Variants in PDE10A observed in about 807,000 individuals in gnomAD.
The protein encoded by PDE10A is phosphodiesterase 10A, also known as cAMP and cAMP-inhibited cGMP 3',5'-cyclic phosphodiesterase 10A.
A neutral mutation model predicts 97.7 loss-of-function variants in PDE10A; 39 were observed. The ratio of observed to expected loss-of-function variants is 0.40; its 90% CI spans 0.31 to 0.52. PDE10A has a LOEUF of 0.52. Ranked by LOEUF, PDE10A falls within the 20% of genes least tolerant of loss-of-function variation. PDE10A has a pLI of 0.56. For missense variants in PDE10A, 731 were observed against 1,047.8 expected, an observed-to-expected ratio of 0.70 and a Z score of 4.17; for synonymous variants, 371 against 376.8, an observed-to-expected ratio of 0.98 and a Z score of 0.18.
chr6:165,963,633 A>T (rs767887322), intron 1 of PDE10A, among the ~76,000 whole-genome samples: 2 of 152,206 alleles, frequency 1.3e-5, no homozygotes, highest in Non-Finnish European at 2.9e-5. Context: ...TAATAAAGAA[A>T]AGGGCCCAGA....
intron 1 of PDE10A, among the ~76,000 whole-genome samples, chr6:165,795,573 A>G (rs1372621108): frequency 1.3e-5 from 2 of 151,582 alleles, no homozygotes; most frequent in African/African-American, 4.9e-5. Context: ...TAAAAATACA[A>G]AAACAAACAA....
Position 165,430,321 on chromosome 6 carries a change from T to C in PDE10A, c.1567A>G (p.Thr523Ala), listed in dbSNP as rs1166621287. 6.2e-7 allele frequency: 1 copy of C among 1,609,020 alleles called. No individual in the cohort carries two copies. The highest frequency in any genetic ancestry group is 2.2e-5 in the East Asian group (1 of 44,770). Residue 523 changes from threonine to alanine, a missense_variant, in exon 9 of 22, where the codon ACA (threonine) becomes GCA (alanine). Physicochemically the swap from Thr to Ala is moderately conservative, Grantham distance 58. Transcript: ENST00000539869. ...VQVCRGLAKQ[T>A]ELNDFLLDVS... is the part of the protein sequence containing the mutation. ...TCGAGTAGGAAGTCATTCAATTCTG[T>C]CTGTTTGGCAAGGCCTCTGCATACC...
chr6:165,607,750 A>C lies in PDE10A; in HGVS notation c.865+54197T>G, dbSNP rs560053429. ...TGGATAACATTTTGGAGATTCATTCAGTTTATAAGGATGAAATGCAGCACG... is the reference window on the plus strand; with the variant it reads ...TGGATAACATTTTGGAGATTCATTCCGTTTATAAGGATGAAATGCAGCACG... On this transcript the variant is annotated intron_variant, in intron 1 of 21. Coordinates refer to ENST00000539869, the MANE Select transcript of PDE10A (RefSeq NM_001385079.1). Among the ~76,000 whole-genome samples the C allele has an allele frequency of 3.3e-5, 5 of 152,302 alleles. No homozygotes were observed. The South Asian group carries it at 1.0e-3, about 32-fold the overall frequency.
intron 2 of PDE10A, among the ~76,000 whole-genome samples, chr6:165,533,779 A>G (rs539298485): frequency 6.6e-6 from 1 of 152,282 alleles, no homozygotes; most frequent in South Asian, 2.1e-4. Flanking sequence ...TTTGCCACTT[A>G]TATTTCATAG....
At chr6:165,729,413 G>C (rs188209515) in intron 1 of PDE10A, among the ~76,000 whole-genome samples, 7 of 151,988 alleles carry the variant, frequency 4.6e-5, no homozygotes, top group Admixed American at 1.3e-4. Flanking sequence ...TAGACATGGA[G>C]AGTTGGAAAT....
At chr6:165,346,193 G>T (rs546740307) in intron 18 of PDE10A, among the ~76,000 whole-genome samples, 23 of 152,240 alleles carry the variant, frequency 1.5e-4, no homozygotes, top group African/African-American at 4.6e-4. Flanking sequence ...GGGTGGAGAT[G>T]ACTCATAGAC....
rs763771899 is a variant in PDE10A at position 165,497,922 on chromosome 6, CAAT to C, written c.995-15582_995-15580del. ...TATTCACTGTCTTAACTTGGATATTCAATAATACCTGAAAATTCATAGTTTAAA... is the reference window on the plus strand; with the variant it reads ...TATTCACTGTCTTAACTTGGATATTCAATACCTGAAAATTCATAGTTTAAA... On this transcript the variant is annotated intron_variant, in intron 2 of 21. Coordinates refer to ENST00000539869, the MANE Select transcript of PDE10A (RefSeq NM_001385079.1). Among the ~76,000 whole-genome samples the C allele has an allele frequency of 6.6e-5, 10 of 152,102 alleles. No homozygotes were observed. In the East Asian group the frequency reaches 7.7e-4, roughly 12 times the overall value.
chr6:165,531,471 G>A (rs1253424350), intron 2 of PDE10A, among the ~76,000 whole-genome samples: 2 of 151,892 alleles, frequency 1.3e-5, no homozygotes, highest in East Asian at 1.9e-4. Flanking sequence ...TTATTGAGGG[G>A]AAAAAAGGAA....
chr6:165,385,794 T>C (rs927830610), intron 17 of PDE10A, among the ~76,000 whole-genome samples: 2 of 152,184 alleles, frequency 1.3e-5, no homozygotes, highest in African/African-American at 4.8e-5. Flanking sequence ...ATGGCCCCAA[T>C]ATTATTTCTC....
Position 165,330,487 on chromosome 6 carries a change from T to G in PDE10A, c.*2538A>C, listed in dbSNP as rs1251666010. 2 of 152,212 alleles carry G rather than the reference T, an allele frequency of 1.3e-5. No homozygotes were observed. Among genetic ancestry groups the G allele is most frequent in the Non-Finnish European group, 2.9e-5 (2 of 68,022 alleles). 9.4% of individuals were successfully genotyped at this position (152,212 alleles called of 1,614,324 possible). A position where few individuals can be genotyped will look rare whatever the true frequency, so the allele number is the denominator to read the frequency against. ...TTATTTTAGGTAAATCTGTGATTAC[T>G]AAGTAAATCTTACACATGGTAAAAG... is the stretch of plus-strand genomic sequence containing the variant. On this transcript the variant is annotated 3_prime_UTR_variant, in exon 22 of 22. Coordinates refer to ENST00000539869, the MANE Select transcript of PDE10A (RefSeq NM_001385079.1).
At chr6:165,646,085 C>T (rs1789382511) in intron 1 of PDE10A, among the ~76,000 whole-genome samples, 1 of 152,264 alleles carries the variant, frequency 6.6e-6, no homozygotes, top group African/African-American at 2.4e-5. Flanking sequence ...GCCAGCCTGG[C>T]ACAGACCAGG....
intron 1 of PDE10A, among the ~76,000 whole-genome samples, chr6:165,635,318 C>A (rs1788821923): frequency 6.6e-6 from 1 of 152,186 alleles, no homozygotes; most frequent in African/African-American, 2.4e-5. Context: ...AGGTTAATAT[C>A]TCCCAAAGGA....
At chr6:165,752,952 G>A (rs989875074) in intron 1 of PDE10A, among the ~76,000 whole-genome samples, 1 of 152,142 alleles carries the variant, frequency 6.6e-6, no homozygotes, top group Non-Finnish European at 1.5e-5. Flanking sequence ...TCTTCTGGTG[G>A]GAAACTCATT....
intron 1 of PDE10A, among the ~76,000 whole-genome samples, chr6:165,557,893 A>C (rs1784337217): frequency 6.6e-6 from 1 of 152,216 alleles, no homozygotes; most frequent in South Asian, 2.1e-4. Flanking sequence ...ATAAGGGTAC[A>C]ATGAACAGAA....
chr6:165,938,516 C>T (rs930068364), intron 1 of PDE10A, among the ~76,000 whole-genome samples: 1 of 152,142 alleles, frequency 6.6e-6, no homozygotes, highest in Non-Finnish European at 1.5e-5. Flanking sequence ...ACTGAGGGCG[C>T]CAAGGGACCC....
intron 1 of PDE10A, among the ~76,000 whole-genome samples, chr6:165,555,936 ATTT>A (rs1784229394): frequency 6.6e-6 from 1 of 152,122 alleles, no homozygotes; most frequent in South Asian, 2.1e-4. Context: ...CTATGTGACG[ATTT>A]TTTCAATAAT....
chr6:165,526,222 G>A (rs969769463), intron 2 of PDE10A, among the ~76,000 whole-genome samples: 9 of 152,136 alleles, frequency 5.9e-5, no homozygotes, highest in African/African-American at 2.2e-4. Context: ...GATTCCAGGG[G>A]ACTCAAACAT....
chr6:165,651,756 A>G (rs1789697061), intron 1 of PDE10A, among the ~76,000 whole-genome samples: 1 of 152,122 alleles, frequency 6.6e-6, no homozygotes, highest in South Asian at 2.1e-4. Context: ...TCCTTTTTGC[A>G]TTTAAATATA....
At chr6:165,339,961 C>T (rs1196073316) in intron 19 of PDE10A, among the ~76,000 whole-genome samples, 11 of 152,064 alleles carry the variant, frequency 7.2e-5, no homozygotes, top group Non-Finnish European at 1.6e-4. Context: ...GATTCACTTA[C>T]AGGTAATAGT....
Sources: allele counts gnomAD v4.1 joint callset (sites outside exome capture counted in the v4.1 genomes callset), GRCh38; gene constraint gnomAD v4.1.1; transcripts MANE v1.5; gene names NCBI Gene and HGNC (gene_info 2026-07-23, HGNC 2026-07-21).